The following SMC6 variants were observed in gnomAD, a reference collection of about 807,000 sequenced individuals.
SMC6 encodes the protein structural maintenance of chromosomes protein 6.
SMC6 carries 79 observed loss-of-function variants against 142.2 expected under a neutral mutation model. The observed-to-expected ratio is 0.56, with a 90% confidence interval of 0.46 to 0.67. SMC6 has a LOEUF of 0.67. Ranked by LOEUF, SMC6 falls within the 30% of genes least tolerant of loss-of-function variation. The pLI, the probability that SMC6 is intolerant of heterozygous loss-of-function variation, is 0.00. For synonymous variants in SMC6, 411 were observed against 412.4 expected, an observed-to-expected ratio of 1.00 and a Z score of 0.04; for missense variants, 1,072 against 1,284.0, an observed-to-expected ratio of 0.83 and a Z score of 2.52.
At chr2:17,671,825 T>C (rs1363011908) in intron 25 of SMC6, among the ~76,000 whole-genome samples, 1 of 151,798 alleles carries the variant, frequency 6.6e-6, no homozygotes, top group Non-Finnish European at 1.5e-5. Flanking sequence ...GAATATACAA[T>C]AACATTAGGA....
intron 14 of SMC6, 39 bp from the exon 15 acceptor site, chr2:17,716,303 T>A: frequency 6.4e-7 from 1 of 1,570,188 alleles, no homozygotes. Context: ...ATATATGTGA[T>A]AGTTTTACAG....
chr2:17,682,784 T>A (rs956149368), intron 24 of SMC6, among the ~76,000 whole-genome samples: 4 of 151,760 alleles, frequency 2.6e-5, no homozygotes, highest in Non-Finnish European at 4.4e-5. Flanking sequence ...TAAAAATGGG[T>A]CCTATTTAAT....
In SMC6 at chr2:17,678,914, C is replaced by T. The variant is rs1007197167; in HGVS notation, c.2855G>A (p.Arg952Gln). The T allele has an allele frequency of 5.6e-6, 9 of 1,612,508 alleles. No homozygotes were observed. Among genetic ancestry groups the T allele is most frequent in the Non-Finnish European group, 6.8e-6 (8 of 1,179,250 alleles). ...KLYFDNLLSQ[R>Q]AYCGKMNFDH... ...AAAATTCATTTTTCCACAATAGGCC[C>T]GCTGAGATAGTAAGTTGTCAAAGTA... is the stretch of plus-strand genomic sequence containing the variant. The change falls in exon 25 of 28, where the codon CGG becomes CAG. Residue 952 changes from arginine (R) to glutamine (Q), a missense_variant. Arg to Gln is a conservative substitution (Grantham distance 43). This residue lies in a region of SMC6 where 994 missense variants were observed against 1,153.2 expected (regional missense o/e 0.86). Transcript: ENST00000448223.
At chr2:17,711,681 C>T (rs1010765414) in intron 16 of SMC6, among the ~76,000 whole-genome samples, 5 of 152,164 alleles carry the variant, frequency 3.3e-5, no homozygotes, top group African/African-American at 9.6e-5. Flanking sequence ...TGCAGTGGCA[C>T]GATCACAGCC....
At chr2:17,707,176 G>A in intron 18 of SMC6, 43 bp downstream of exon 18, 3 of 1,397,694 alleles carry the variant, frequency 2.1e-6, no homozygotes, top group South Asian at 3.6e-5. Context: ...AACCCCCAAG[G>A]AAGCAGTGGG....
rs1001710795 is a variant in SMC6 at position 17,753,449 on chromosome 2, CGACCCGCCCGAGGAACG to C, written c.-93+160_-93+176del. ...GCGCGCGAAGGTGCCGCCGGCCGCCCGACCCGCCCGAGGAACGGACATCTCCCGCCCGGGCCCGCAAG... is the reference window on the plus strand; with the variant it reads ...GCGCGCGAAGGTGCCGCCGGCCGCCCGACATCTCCCGCCCGGGCCCGCAAG... On this transcript the variant is annotated intron_variant, in intron 1 of 27. Transcript: ENST00000448223. Among the ~76,000 whole-genome samples the C allele has an allele frequency of 3.8e-4, 45 of 118,430 alleles. No individual in the cohort carries two copies. In the South Asian group the frequency reaches 0.01, roughly 27 times the overall value. 77.7% of individuals were successfully genotyped at this position (118,430 alleles called of 152,430 possible).
At chr2:17,687,387 G>GTGTGAGTC (rs1436212560) in intron 23 of SMC6, among the ~76,000 whole-genome samples, 5 of 152,318 alleles carry the variant, frequency 3.3e-5, no homozygotes, top group Admixed American at 3.3e-4. Context: ...ACAGATCAAT[G>GTGTGAGTC]TGTGTGTGCA....
chr2:17,749,997 C>T (rs570803522), intron 2 of SMC6, among the ~76,000 whole-genome samples: 3 of 152,300 alleles, frequency 2.0e-5, no homozygotes, highest in African/African-American at 7.2e-5. Context: ...CTATGGTAAA[C>T]AACTTCATTT....
At chr2:17,675,828 A>C (rs1251294104) in intron 25 of SMC6, among the ~76,000 whole-genome samples, 6 of 152,170 alleles carry the variant, frequency 3.9e-5, no homozygotes, top group African/African-American at 1.4e-4. Context: ...CTATCATATA[A>C]ATTTCAGGTA....
chr2:17,748,496 A>G (rs999052906), intron 2 of SMC6, among the ~76,000 whole-genome samples: 4 of 152,360 alleles, frequency 2.6e-5, no homozygotes, highest in African/African-American at 7.2e-5. Flanking sequence ...TTACAGCTAC[A>G]TAATATTCAG....
intron 23 of SMC6, among the ~76,000 whole-genome samples, chr2:17,687,045 T>C (rs951914985): frequency 6.6e-5 from 10 of 152,182 alleles, no homozygotes; most frequent in Non-Finnish European, 1.5e-4. Context: ...AAATCCAAAA[T>C]ACTTCTGGTT....
chr2:17,674,219 C>T (rs1405215782), intron 25 of SMC6, among the ~76,000 whole-genome samples: 1 of 152,090 alleles, frequency 6.6e-6, no homozygotes, highest in Non-Finnish European at 1.5e-5. Flanking sequence ...CTGAGAAATC[C>T]TATGGCTGTA....
In SMC6 at chr2:17,716,256, T is replaced by G; in HGVS notation, c.1355A>C (p.Glu452Ala). ...KEEHGKIKRE[E>A]LDVKHALSYN... ...GCTCAGTGCATGCTTCACATCTAAT[T>G]CTTCTCTCCTAAAAAACAAAAGCAG... is the stretch of plus-strand genomic sequence containing the variant. Residue 452 changes from glutamate (E) to alanine (A), a missense_variant, in exon 15 of 28, where the codon GAA (glutamate) becomes GCA (alanine). Glu to Ala is a moderately radical substitution (Grantham distance 107). Coordinates refer to ENST00000448223, the MANE Select transcript of SMC6 (RefSeq NM_001142286.2). The G allele has an allele frequency of 6.2e-7, 1 of 1,603,102 alleles. No homozygotes were observed. The highest frequency in any genetic ancestry group is 8.5e-7 in the Non-Finnish European group (1 of 1,177,012).
chr2:17,670,696 T>TA (rs1447561945), intron 25 of SMC6, 121 bp from the exon 26 acceptor site: 7 of 1,033,890 alleles, frequency 6.8e-6, no homozygotes, highest in Middle Eastern at 2.3e-4. Flanking sequence ...TAAAATGACT[T>TA]AGTGATTTGG....
chr2:17,664,501 T>A lies in SMC6; in HGVS notation c.*998A>T, dbSNP rs1217424108. 1 of 152,216 alleles carries A rather than the reference T, an allele frequency of 6.6e-6. No homozygotes were observed. The highest frequency in any genetic ancestry group is 1.5e-5 in the Non-Finnish European group (1 of 68,042). 9.4% of individuals were successfully genotyped at this position (152,216 alleles called of 1,614,324 possible). A position where few individuals can be genotyped will look rare whatever the true frequency, so the allele number is the denominator to read the frequency against. On this transcript the variant is annotated 3_prime_UTR_variant, in exon 28 of 28. Coordinates refer to ENST00000448223, the MANE Select transcript of SMC6 (RefSeq NM_001142286.2). ...GAATGCTTCTTGATATCCAATACAT[T>A]CTTAAAAAGTTTAGCATGAATCCTA... is the stretch of plus-strand genomic sequence containing the variant.
chr2:17,703,413 T>A, intron 18 of SMC6, 121 bp from the exon 19 acceptor site: 2 of 809,376 alleles, frequency 2.5e-6, no homozygotes, highest in Non-Finnish European at 3.7e-6. Context: ...CCTTTTCAGT[T>A]AAACCAGTTC....
chr2:17,729,582 T>G (rs575237866), intron 7 of SMC6, among the ~76,000 whole-genome samples: 2 of 152,172 alleles, frequency 1.3e-5, no homozygotes, highest in Non-Finnish European at 2.9e-5. Context: ...ACAGGGTAAA[T>G]ACAGAGTACT....
rs1220996908 is a variant in SMC6, at chr2:17,739,839, CACACAG to C, written c.239-1519_239-1514del. Among the ~76,000 whole-genome samples, 359 of 100,102 alleles carry C rather than the reference CACACAG, an allele frequency of 3.6e-3. 5 individuals are homozygous for C. The highest frequency in any genetic ancestry group is 0.015 in the African/African-American group (337 of 22,114). 65.7% of individuals were successfully genotyped at this position (100,102 alleles called of 152,430 possible). ...CTCTTTAAACACACACACACACACA[CACACAG>C]ACACACACACACACACACACAGAGA... On this transcript the variant is annotated intron_variant, in intron 4 of 27. Transcript: ENST00000448223.
intron 2 of SMC6, among the ~76,000 whole-genome samples, chr2:17,747,562 G>C (rs1301449706): frequency 6.9e-6 from 1 of 144,508 alleles, no homozygotes; most frequent in Non-Finnish European, 1.5e-5. Context: ...CTAGAGTGCA[G>C]TGGCACAATC....
Sources: allele counts gnomAD v4.1 joint callset (sites outside exome capture counted in the v4.1 genomes callset), GRCh38; gene constraint gnomAD v4.1.1; regional missense constraint gnomAD v4.1.1; transcripts MANE v1.5; gene names NCBI Gene and HGNC (gene_info 2026-07-23, HGNC 2026-07-21).